Variants in PRKCH observed in about 807,000 individuals in gnomAD.
PRKCH encodes protein kinase C eta type.
PRKCH carries 28 observed loss-of-function variants against 82.5 expected under a neutral mutation model. That is an observed-to-expected ratio of 0.34 (90% CI 0.25 to 0.47). The LOEUF is 0.47. Ranked by LOEUF, PRKCH falls within the 20% of genes least tolerant of loss-of-function variation. The pLI is 1.00. For missense variants in PRKCH, 705 were observed against 881.8 expected, an observed-to-expected ratio of 0.80 and a Z score of 2.54; for synonymous variants, 322 against 327.4, an observed-to-expected ratio of 0.98 and a Z score of 0.18.
chr14:61,260,044 A>G (rs2045032589), intron 1 of PRKCH, among the ~76,000 whole-genome samples: 1 of 152,214 alleles, frequency 6.6e-6, no homozygotes, highest in Non-Finnish European at 1.5e-5. Context: ...CCTGGAAGTG[A>G]ACGAATTTGG....
intron 1 of PRKCH, among the ~76,000 whole-genome samples, chr14:61,328,225 C>A (rs7153159): frequency 0.047 from 6,368 of 135,244 alleles, 322 homozygotes; most frequent in African/African-American, 0.13. Context: ...GGTCCGCAGT[C>A]CGGCCTGGGC....
chr14:61,489,193 C>T (rs1886354901), intron 10 of PRKCH, among the ~76,000 whole-genome samples: 1 of 152,198 alleles, frequency 6.6e-6, no homozygotes, highest in African/African-American at 2.4e-5. Context: ...TTTTATCATA[C>T]ATGTCCCAGA....
chr14:61,352,389 G>C (rs142710974), intron 1 of PRKCH, among the ~76,000 whole-genome samples: 1 of 152,142 alleles, frequency 6.6e-6, no homozygotes, highest in African/African-American at 2.4e-5. Flanking sequence ...TAGGCCGGGC[G>C]TGGTGGCTCA....
intron 1 of PRKCH, among the ~76,000 whole-genome samples, chr14:61,276,063 A>G (rs531884668): frequency 3.9e-4 from 60 of 152,308 alleles, no homozygotes; most frequent in African/African-American, 1.4e-3. Context: ...ACATAGCATC[A>G]ACACTATTAG....
intron 10 of PRKCH, among the ~76,000 whole-genome samples, chr14:61,519,953 TG>T (rs2042881724): frequency 6.6e-6 from 1 of 151,964 alleles, no homozygotes; most frequent in African/African-American, 2.4e-5. Flanking sequence ...GCAAACAGGA[TG>T]TTTTTTTCCA....
intron 13 of PRKCH, among the ~76,000 whole-genome samples, chr14:61,548,966 C>G (rs2043294320): frequency 6.6e-6 from 1 of 151,780 alleles, no homozygotes; most frequent in African/African-American, 2.4e-5. Flanking sequence ...TTTGTTTATA[C>G]AGATATAAAA....
intron 1 of PRKCH, among the ~76,000 whole-genome samples, chr14:61,257,817 G>A (rs2045012234): frequency 6.6e-6 from 1 of 152,118 alleles, no homozygotes. Context: ...AGTCATGTGA[G>A]GTGATTCAGC....
intron 10 of PRKCH, 105 bp downstream of exon 10, chr14:61,485,761 A>T: frequency 7.2e-7 from 1 of 1,389,198 alleles, no homozygotes; most frequent in Non-Finnish European, 9.7e-7. Flanking sequence ...CCTTTTTTGG[A>T]ATTAAATTCA....
At chr14:61,489,695 T>C (rs1886377887) in intron 10 of PRKCH, among the ~76,000 whole-genome samples, 3 of 152,234 alleles carry the variant, frequency 2.0e-5, no homozygotes, top group African/African-American at 7.2e-5. Flanking sequence ...ATTCATTCTT[T>C]TGTCCTGGGC....
intron 1 of PRKCH, among the ~76,000 whole-genome samples, chr14:61,226,534 GAT>G: frequency 6.6e-6 from 1 of 152,320 alleles, no homozygotes; most frequent in East Asian, 1.9e-4. Context: ...GAGGGTGACA[GAT>G]AGATTTATGT....
upstream of PRKCH, among the ~76,000 whole-genome samples, chr14:61,318,847 C>G (rs2045585104): frequency 6.6e-6 from 1 of 151,984 alleles, no homozygotes; most frequent in South Asian, 2.1e-4. Context: ...GCCACCACAT[C>G]CAGCTAATTT....
chr14:61,422,275 G>T (rs1882876856), intron 2 of PRKCH, among the ~76,000 whole-genome samples: 1 of 152,074 alleles, frequency 6.6e-6, no homozygotes, highest in African/African-American at 2.4e-5. Flanking sequence ...TGTAGAGACA[G>T]GGTCTCTCTA....
At chr14:61,220,703 T>G (rs574738962) in intron 1 of PRKCH, among the ~76,000 whole-genome samples, 1 of 152,140 alleles carries the variant, frequency 6.6e-6, no homozygotes, top group Non-Finnish European at 1.5e-5. Flanking sequence ...ACCTAGAAAT[T>G]CATAAGGAAA....
intron 1 of PRKCH, among the ~76,000 whole-genome samples, chr14:61,364,379 G>T (rs1056523371): frequency 6.6e-6 from 1 of 151,996 alleles, no homozygotes; most frequent in Non-Finnish European, 1.5e-5. Context: ...GCTCAGCTGA[G>T]ATTAGAAACT....
chr14:61,440,467 AGATG>A (rs1883903452), intron 2 of PRKCH, among the ~76,000 whole-genome samples: 4 of 152,220 alleles, frequency 2.6e-5, no homozygotes, highest in Non-Finnish European at 5.9e-5. Flanking sequence ...GAATCTCTGA[AGATG>A]TTGGTGTCTT....
intron 1 of PRKCH, among the ~76,000 whole-genome samples, chr14:61,289,698 C>T (rs778219648): frequency 6.6e-6 from 1 of 152,092 alleles, no homozygotes; most frequent in African/African-American, 2.4e-5. Context: ...CAGAGTGAGA[C>T]CCTGTCTCAA....
In PRKCH at chr14:61,388,932, T is replaced by G. The variant is rs549883126; in HGVS notation, c.364-2293T>G. 8.5e-5 allele frequency among the ~76,000 whole-genome samples: 13 copies of G among 152,324 alleles called. No individual in the cohort carries two copies. The South Asian group carries it at 1.7e-3, about 19-fold the overall frequency. Reference sequence around the variant, plus strand: ...AATAGGTTGTTATACAGGTTAAGCTTTCTGAATCTGAACAAAGCAGGCATC... The same window carrying G: ...AATAGGTTGTTATACAGGTTAAGCTGTCTGAATCTGAACAAAGCAGGCATC... On this transcript the variant is annotated intron_variant, in intron 1 of 13. Coordinates refer to ENST00000332981, the MANE Select transcript of PRKCH (RefSeq NM_006255.5).
chr14:61,203,459 A>T (rs904641785), intron 1 of PRKCH, among the ~76,000 whole-genome samples: 1 of 152,090 alleles, frequency 6.6e-6, no homozygotes, highest in East Asian at 1.9e-4. Flanking sequence ...CTTGGGGGGT[A>T]CTCAAATGAC....
At chr14:61,240,211 A>G (rs1412512262) in intron 1 of PRKCH, among the ~76,000 whole-genome samples, 1 of 152,204 alleles carries the variant, frequency 6.6e-6, no homozygotes, top group Non-Finnish European at 1.5e-5. Context: ...TAGGCAAGAA[A>G]GAAGAAAGAA....
Sources: gnomAD v4.1 joint callset for allele counts (sites outside exome capture counted in the v4.1 genomes callset) on GRCh38, gnomAD v4.1.1 for gene constraint, MANE v1.5 for transcripts, NCBI Gene and HGNC (gene_info 2026-07-23, HGNC 2026-07-21) for gene names.